SKI: variants seen among roughly 807,000 people sequenced by gnomAD.
The protein encoded by SKI is SKI proto-oncogene, also known as ski oncogene.
SKI carries 23 observed loss-of-function variants against 59.3 expected under a neutral mutation model. The ratio of observed to expected loss-of-function variants is 0.39; its 90% CI spans 0.28 to 0.55. The LOEUF (loss-of-function observed/expected upper bound fraction) is 0.55. Ranked by LOEUF, SKI falls within the 20% of genes least tolerant of loss-of-function variation. The pLI, the probability that SKI is intolerant of heterozygous loss-of-function variation, is 0.67. For synonymous variants in SKI, 673 were observed against 488.6 expected (o/e 1.38, Z -4.98); for missense variants, 1,017 against 1,038.9 (o/e 0.98, Z 0.29).
chr1:2,277,082 T>C (rs918660662), intron 1 of SKI, among the ~76,000 whole-genome samples: 9 of 152,194 alleles, frequency 5.9e-5, no homozygotes, highest in Non-Finnish European at 8.8e-5. Flanking sequence ...GGGTCTTTCC[T>C]CTCTGTGCTA....
intron 1 of SKI, among the ~76,000 whole-genome samples, chr1:2,265,421 A>G (rs1222626086): frequency 6.6e-6 from 1 of 152,128 alleles, no homozygotes; most frequent in Non-Finnish European, 1.5e-5. Flanking sequence ...TTAATCCCAT[A>G]TAGCGGATGT....
At chr1:2,297,415 C>T (rs529031273) in intron 1 of SKI, among the ~76,000 whole-genome samples, 46 of 152,338 alleles carry the variant, frequency 3.0e-4, no homozygotes, top group Admixed American at 2.5e-3. Context: ...GTGCCCAGCC[C>T]GCTCACCACG....
intron 1 of SKI, among the ~76,000 whole-genome samples, chr1:2,258,907 C>G (rs558944652): frequency 6.6e-6 from 1 of 152,278 alleles, no homozygotes; most frequent in South Asian, 2.1e-4. Flanking sequence ...TCAGCAGTGC[C>G]TGGCCCTTGA....
Position 2,229,045 on chromosome 1 carries a change from G to T in SKI, c.279G>T (p.Pro93=), listed in dbSNP as rs1638570161. 1 of 1,603,722 alleles carries T rather than the reference G, an allele frequency of 6.2e-7. No individual in the cohort carries two copies. The highest frequency in any genetic ancestry group is 1.7e-4 in the Middle Eastern group (1 of 6,016). Residue 93 remains proline (P), a synonymous_variant, in exon 1 of 7, where the codon CCG becomes CCT. Coordinates refer to ENST00000378536, the MANE Select transcript of SKI (RefSeq NM_003036.4). This position sits in a 1 kb window ranked among gnomAD's most constrained non-coding sequence, Gnocchi z 6.3. ...PPVLPGPFFM[P]SDRSTERCET... is the part of the protein sequence containing the mutation. ...TGCTGCCCGGGCCCTTCTTCATGCCGTCCGACCGCTCCACCGAGCGCTGCG... is the reference window on the plus strand; with the variant it reads ...TGCTGCCCGGGCCCTTCTTCATGCCTTCCGACCGCTCCACCGAGCGCTGCG...
At chr1:2,230,202 G>A (rs1205267180) in intron 1 of SKI, among the ~76,000 whole-genome samples, 1 of 152,230 alleles carries the variant, frequency 6.6e-6, no homozygotes, top group Admixed American at 6.5e-5. Flanking sequence ...ACGGAGGGCT[G>A]CCTGCCTTTG....
intron 1 of SKI, among the ~76,000 whole-genome samples, chr1:2,294,617 C>G (rs1392103797): frequency 6.6e-6 from 1 of 152,284 alleles, no homozygotes; most frequent in Non-Finnish European, 1.5e-5. Flanking sequence ...AGATGCCAGC[C>G]CCTTGGTCTT....
At chr1:2,244,700 A>G (rs1183181147) in intron 1 of SKI, among the ~76,000 whole-genome samples, 2 of 152,144 alleles carry the variant, frequency 1.3e-5, no homozygotes, top group African/African-American at 4.8e-5. Context: ...TTGTTTTGTT[A>G]TTTCAGTATT....
At chr1:2,251,643 T>C (rs899039834) in intron 1 of SKI, among the ~76,000 whole-genome samples, 3 of 152,108 alleles carry the variant, frequency 2.0e-5, no homozygotes, top group Non-Finnish European at 4.4e-5. Context: ...GGGCAGCATC[T>C]GGGGGGGCTG....
Position 2,304,362 on chromosome 1 carries a change from C to A in SKI, c.1544C>A (p.Ser515Tyr). ...TCCAGCTCCGCCAAGGACCTGGGCT[C>A]CCCGGGTGCGCGTGCCCTGCCCTCG... ...TSSSSAKDLG[S>Y]PGARALPSAV... is the part of the protein sequence containing the mutation. The change falls in exon 5 of 7, where the codon TCC (serine) becomes TAC (tyrosine). Residue 515 changes from serine (S) to tyrosine (Y), a missense_variant. Coordinates refer to ENST00000378536, the MANE Select transcript of SKI (RefSeq NM_003036.4). 6.4e-7 allele frequency: 1 copy of A among 1,551,724 alleles called. No individual in the cohort carries two copies. The highest frequency in any genetic ancestry group is 8.7e-7 in the Non-Finnish European group (1 of 1,147,064).
chr1:2,280,340 C>T (rs1448030889), intron 1 of SKI, among the ~76,000 whole-genome samples: 1 of 151,568 alleles, frequency 6.6e-6, no homozygotes, highest in East Asian at 1.9e-4. Flanking sequence ...GGCACCACTG[C>T]ACTCCAGCCT....
chr1:2,251,210 C>T (rs1363024647), intron 1 of SKI, among the ~76,000 whole-genome samples: 4 of 152,212 alleles, frequency 2.6e-5, no homozygotes, highest in Admixed American at 6.5e-5. Flanking sequence ...ACTTACTGTC[C>T]GTTCTAGTCA....
chr1:2,296,905 G>T (rs1640300389), intron 1 of SKI, among the ~76,000 whole-genome samples: 1 of 152,158 alleles, frequency 6.6e-6, no homozygotes, highest in Non-Finnish European at 1.5e-5. Flanking sequence ...AATGGTTTAA[G>T]GAGGCCGTGC....
At position 2,303,099 on chromosome 1, in the gene SKI, A is replaced by T. The variant is rs763338270; in HGVS notation, c.1091A>T (p.Asn364Ile). The T allele has an allele frequency of 1.9e-6, 3 of 1,613,224 alleles. No homozygotes were observed. Among genetic ancestry groups the T allele is most frequent in the Admixed American group, 1.7e-5 (1 of 60,026 alleles). ...CTGCGGACCTTGGCCGGCTCTTCCA[A>T]TAAGGTGCTGTGGGGCCTGTCGGGG... ...SWLRTLAGSSNKSLGCVHPRQ... is the reference protein window; with the variant it reads ...SWLRTLAGSSIKSLGCVHPRQ... Residue 364 changes from asparagine to isoleucine, a missense_variant, in exon 2 of 7, where the codon AAT (asparagine) becomes ATT (isoleucine). Physicochemically the swap from Asn to Ile is moderately radical, Grantham distance 149. Transcript: ENST00000378536. The surrounding 1 kb of genome is among the most constrained non-coding windows in gnomAD (Gnocchi z 5.6).
At chr1:2,256,681 C>CTTGCG (rs1639281548) in intron 1 of SKI, among the ~76,000 whole-genome samples, 1 of 152,248 alleles carries the variant, frequency 6.6e-6, no homozygotes, top group African/African-American at 2.4e-5. Flanking sequence ...GAACAGAACA[C>CTTGCG]TTGTCGGCGC....
Position 2,276,210 on chromosome 1 carries a change from G to A in SKI, c.970-26768G>A, listed in dbSNP as rs537905134. Among the ~76,000 whole-genome samples the A allele has an allele frequency of 2.9e-3, 154 of 52,470 alleles. 1 individual carries two copies. Among genetic ancestry groups the A allele is most frequent in the African/African-American group, 0.011 (150 of 14,206 alleles). 34.4% of individuals were successfully genotyped at this position (52,470 alleles called of 152,430 possible). ...GAAGTGGTCCTGCTCCCCACCCCCC[G>A]ACCCCCACTGCAGCGCCACCTGCCT... On this transcript the variant is annotated intron_variant, in intron 1 of 6. Transcript: ENST00000378536.
chr1:2,248,548 G>C (rs1165614768), intron 1 of SKI, among the ~76,000 whole-genome samples: 1 of 152,188 alleles, frequency 6.6e-6, no homozygotes, highest in Non-Finnish European at 1.5e-5. Flanking sequence ...AAGGAAGCCT[G>C]GCAGTGGCGG....
chr1:2,263,948 G>A (rs1639442356), intron 1 of SKI, among the ~76,000 whole-genome samples: 1 of 151,788 alleles, frequency 6.6e-6, no homozygotes, highest in South Asian at 2.1e-4. Context: ...GGCCAAGGCA[G>A]GAGGATCCCT....
At chr1:2,245,785 C>CTTTTT (rs778496109) in intron 1 of SKI, among the ~76,000 whole-genome samples, 3 of 93,850 alleles carry the variant, frequency 3.2e-5, no homozygotes, top group Non-Finnish European at 4.2e-5. Context: ...CCTATTTTTC[C>CTTTTT]TTCTTTTTTT....
chr1:2,252,217 T>G (rs1225606675), intron 1 of SKI, among the ~76,000 whole-genome samples: 1 of 152,202 alleles, frequency 6.6e-6, no homozygotes, highest in Non-Finnish European at 1.5e-5. Context: ...TTCAAAAGTC[T>G]TGTAAAGAAC....
Sources: gnomAD v4.1 joint callset for allele counts (sites outside exome capture counted in the v4.1 genomes callset) on GRCh38, gnomAD v4.1.1 for gene constraint, Gnocchi (gnomAD v3.1) non-coding constraint, MANE v1.5 for transcripts, NCBI Gene and HGNC (gene_info 2026-07-23, HGNC 2026-07-21) for gene names.